The following TRAM1 variants were observed in gnomAD, a reference collection of about 807,000 sequenced individuals.
TRAM1 encodes the protein translocation associated membrane protein 1.
In TRAM1, 17 loss-of-function variants were observed where a neutral mutation model predicts 48.7. The ratio of observed to expected loss-of-function variants is 0.35; its 90% CI spans 0.24 to 0.52. The LOEUF is 0.52. TRAM1 is among the 20% of genes least tolerant of loss of function. The pLI is 0.94. For synonymous variants in TRAM1, 182 were observed against 154.0 expected, an observed-to-expected ratio of 1.18 and a Z score of -1.34; for missense variants, 351 against 441.5, an observed-to-expected ratio of 0.79 and a Z score of 1.84.
Position 70,573,517 on chromosome 8 carries a change from A to C in TRAM1, c.*1415T>G, listed in dbSNP as rs1816865137. The C allele has an allele frequency of 6.6e-6, 1 of 152,606 alleles. No homozygotes were observed. The highest frequency in any genetic ancestry group is 2.1e-4 in the South Asian group (1 of 4,834). The allele number at this position is 152,606 out of a possible 1,614,324, so 9.5% of individuals were successfully genotyped here. ...GTATAATGCCAGTTTTTAATGGCAA[A>C]AATTTGGTTCCACTGAAACTCCATA... is the stretch of plus-strand genomic sequence containing the variant. On this transcript the variant is annotated 3_prime_UTR_variant, in exon 11 of 11. Transcript: ENST00000262213.
At chr8:70,596,192 A>G in intron 5 of TRAM1, 71 bp downstream of exon 5, 4 of 1,272,478 alleles carry the variant, frequency 3.1e-6, no homozygotes, top group Non-Finnish European at 4.3e-6. Flanking sequence ...GAGAATAACA[A>G]GAATGAATTC....
intron 1 of TRAM1, chr8:70,607,385 G>A (rs1817762209): frequency 1.0e-6 from 1 of 985,426 alleles, no homozygotes; most frequent in Non-Finnish European, 1.2e-6. Context: ...AAGCGTCAGG[G>A]CAAAAAGTTC....
chr8:70,580,016 T>G (rs757083354), intron 10 of TRAM1, among the ~76,000 whole-genome samples: 4 of 152,148 alleles, frequency 2.6e-5, no homozygotes, highest in Non-Finnish European at 5.9e-5. Context: ...AAAAAGAGCA[T>G]GTACATTAGC....
chr8:70,607,945 G>C, intron 1 of TRAM1, 132 bp downstream of exon 1: 1 of 1,171,552 alleles, frequency 8.5e-7, no homozygotes. Flanking sequence ...TGCACCTCAG[G>C]GACTGGGGGT....
intron 2 of TRAM1, among the ~76,000 whole-genome samples, chr8:70,598,830 T>C (rs753082089): frequency 1.4e-4 from 21 of 152,244 alleles, no homozygotes; most frequent in Admixed American, 3.3e-4. Context: ...TCTCAAACTT[T>C]ATGTTTATGG....
chr8:70,605,631 G>T (rs1563392811), intron 1 of TRAM1, among the ~76,000 whole-genome samples: 2 of 152,044 alleles, frequency 1.3e-5, no homozygotes, highest in African/African-American at 4.8e-5. Context: ...TTTAAAAGTC[G>T]AATAGCAAAA....
At chr8:70,592,458 C>T (rs1817386396) in intron 6 of TRAM1, among the ~76,000 whole-genome samples, 4 of 152,170 alleles carry the variant, frequency 2.6e-5, no homozygotes, top group Admixed American at 2.6e-4. Flanking sequence ...TTACTTGAAA[C>T]AGTTACTTTC....
At chr8:70,584,398 C>T (rs907506596) in intron 8 of TRAM1, among the ~76,000 whole-genome samples, 1 of 152,196 alleles carries the variant, frequency 6.6e-6, no homozygotes, top group Non-Finnish European at 1.5e-5. Flanking sequence ...TCTCTCACCA[C>T]TCCTATTCAA....
Position 70,598,163 on chromosome 8 carries a change from G to A in TRAM1, c.280C>T (p.His94Tyr). 1.2e-6 allele frequency: 2 copies of A among 1,613,012 alleles called. No individual in the cohort carries two copies. The highest frequency in any genetic ancestry group is 1.7e-6 in the Non-Finnish European group (2 of 1,179,514). The change falls in exon 3 of 11, where the codon CAT becomes TAT. Residue 94 changes from histidine to tyrosine, a missense_variant. Coordinates refer to ENST00000262213, the MANE Select transcript of TRAM1 (RefSeq NM_014294.6). ...AACATATACTCTTGAATTACGGCAT[G>A]AATAATTATCGCCACTAGCATGTAG... The part of the protein sequence containing the change: ...FFYMLVAIII[H>Y]AVIQEYMLDK...
At chr8:70,577,467 G>A (rs1334300083) in intron 10 of TRAM1, among the ~76,000 whole-genome samples, 1 of 152,156 alleles carries the variant, frequency 6.6e-6, no homozygotes, top group Non-Finnish European at 1.5e-5. Context: ...TAAAAATCCT[G>A]GACTCAGCCA....
In TRAM1 at chr8:70,583,320, C is replaced by T. The variant is rs758125863; in HGVS notation, c.895G>A (p.Ala299Thr). The T allele has an allele frequency of 2.5e-6, 4 of 1,611,942 alleles. No individual in the cohort carries two copies. Among genetic ancestry groups the T allele is most frequent in the African/African-American group, 2.7e-5 (2 of 74,752 alleles). ...GNFNVLAVRI[A>T]VLASICVTQA... ...GTAACGCAAATGGATGCCAGAACAG[C>T]GATTCTAAGAAATATTAAGACATAA... Residue 299 changes from alanine to threonine, a missense_variant, in exon 10 of 11, where the codon GCT becomes ACT. Ala to Thr is a moderately conservative substitution (Grantham distance 58). Transcript: ENST00000262213.
intron 1 of TRAM1, 83 bp downstream of exon 1, chr8:70,607,994 C>T (rs1162529589): frequency 1.4e-6 from 2 of 1,441,824 alleles, no homozygotes; most frequent in East Asian, 2.8e-5. Flanking sequence ...GCGTCCTGGG[C>T]GGAGAAGCCG....
At chr8:70,578,135 C>G (rs975131564) in intron 10 of TRAM1, among the ~76,000 whole-genome samples, 1 of 152,220 alleles carries the variant, frequency 6.6e-6, no homozygotes, top group African/African-American at 2.4e-5. Flanking sequence ...GCAAGCAATA[C>G]TCAGGCAGAA....
chr8:70,586,823 T>C (rs1034552853), intron 8 of TRAM1, 72 bp downstream of exon 8: 11 of 1,273,352 alleles, frequency 8.6e-6, no homozygotes, highest in Middle Eastern at 1.9e-4. Flanking sequence ...GCCTAAAGCA[T>C]GGATCTTGGC....
In TRAM1 at chr8:70,596,763, T is replaced by C. The variant is rs913270612; in HGVS notation, c.427-442A>G. Among the ~76,000 whole-genome samples, 8 of 150,292 alleles carry C rather than the reference T, an allele frequency of 5.3e-5. No individual in the cohort carries two copies. The East Asian group carries it at 1.6e-3, about 29-fold the overall frequency. On this transcript the variant is annotated intron_variant, in intron 4 of 10. Coordinates refer to ENST00000262213, the MANE Select transcript of TRAM1 (RefSeq NM_014294.6). ...TTATGGAATTACGTCAATAAAATAC[T>C]GCCCCAATTTTTTTCTTAGATAATC...
chr8:70,583,364 A>G (rs774939363), intron 9 of TRAM1, 40 bp from the exon 10 acceptor site: 2 of 1,585,888 alleles, frequency 1.3e-6, no homozygotes, highest in Admixed American at 3.5e-5. Flanking sequence ...TGTATAAAAA[A>G]CAATGCCACT....
chr8:70,592,656 A>C (rs930277652), intron 6 of TRAM1, among the ~76,000 whole-genome samples: 1 of 152,230 alleles, frequency 6.6e-6, no homozygotes, highest in African/African-American at 2.4e-5. Context: ...TCAATGAAGA[A>C]GATATAGACA....
At chr8:70,607,297 C>T (rs1817759602) in intron 1 of TRAM1, 1 of 985,432 alleles carries the variant, frequency 1.0e-6, no homozygotes, top group Non-Finnish European at 1.2e-6. Context: ...TCCTCTCCTA[C>T]TTCAAGAAAC....
intron 6 of TRAM1, among the ~76,000 whole-genome samples, chr8:70,594,305 G>A (rs1336599032): frequency 7.9e-6 from 1 of 126,082 alleles, no homozygotes; most frequent in East Asian, 2.4e-4. Context: ...CTGACTGAAG[G>A]TTTTTTTTTT....
Sources: allele counts gnomAD v4.1 joint callset (sites outside exome capture counted in the v4.1 genomes callset), GRCh38; gene constraint gnomAD v4.1.1; transcripts MANE v1.5; gene names NCBI Gene and HGNC (gene_info 2026-07-23, HGNC 2026-07-21).